The following FAM81A variants were observed in gnomAD, a reference collection of about 807,000 sequenced individuals.
FAM81A encodes the protein protein FAM81A.
FAM81A carries 19 observed loss-of-function variants against 46.7 expected under a neutral mutation model. The observed-to-expected ratio is 0.41, with a 90% CI of 0.28 to 0.60. The LOEUF (loss-of-function observed/expected upper bound fraction) is 0.60, where lower values mean the gene tolerates loss of function less well. FAM81A is among the 20% of genes least tolerant of loss of function. The pLI, the probability that FAM81A is intolerant of heterozygous loss-of-function variation, is 0.34. For synonymous variants in FAM81A, 183 were observed against 152.9 expected, an observed-to-expected ratio of 1.20 and a Z score of -1.45; for missense variants, 377 against 453.5, an observed-to-expected ratio of 0.83 and a Z score of 1.53.
chr15:59,506,944 G>A (rs775424466), intron 4 of FAM81A, among the ~76,000 whole-genome samples: 8 of 152,162 alleles, frequency 5.3e-5, no homozygotes, highest in East Asian at 1.9e-4. Flanking sequence ...TTGGCCTCTC[G>A]CTGCACATAC....
upstream of FAM81A, among the ~76,000 whole-genome samples, chr15:59,433,630 T>C (rs768764032): frequency 1.2e-4 from 18 of 152,186 alleles, no homozygotes; most frequent in Non-Finnish European, 2.5e-4. Context: ...ATGAAAAATC[T>C]ATAATTTCTA....
At chr15:59,455,229 T>C (rs2081469314) in intron 1 of FAM81A, among the ~76,000 whole-genome samples, 2 of 152,124 alleles carry the variant, frequency 1.3e-5, no homozygotes, top group Non-Finnish European at 2.9e-5. Context: ...TTTCCATTCT[T>C]TTCTTCTTGC....
Position 59,516,626 on chromosome 15 carries a change from T to C in FAM81A, c.787-19T>C, listed in dbSNP as rs1241604589. On this transcript the variant is annotated intron_variant, in intron 7 of 8. Transcript: ENST00000288228. ...TTCTTTTTGGAGTGATTAAGTGCAG[T>C]TCTTATCATGGATCTCAGGGAGCCA... The C allele has an allele frequency of 3.1e-6, 5 of 1,603,136 alleles. No individual in the cohort carries two copies. The highest frequency in any genetic ancestry group is 4.2e-6 in the Non-Finnish European group (5 of 1,177,370).
chr15:59,417,284 C>T (rs886086554), intron 2 of FAM81A, among the ~76,000 whole-genome samples: 2 of 152,096 alleles, frequency 1.3e-5, no homozygotes, highest in African/African-American at 4.8e-5. Context: ...TGCCGTACCA[C>T]CCTGTCGCCT....
intron 4 of FAM81A, among the ~76,000 whole-genome samples, chr15:59,492,731 T>C (rs1020110469): frequency 4.6e-5 from 7 of 152,238 alleles, no homozygotes; most frequent in Non-Finnish European, 1.0e-4. Flanking sequence ...ATTTAATTTT[T>C]CCTGTTATTC....
intron 1 of FAM81A, chr15:59,401,801 A>G (rs1157676403): frequency 1.4e-6 from 1 of 712,754 alleles, no homozygotes; most frequent in African/African-American, 1.9e-5. Flanking sequence ...TTCTCTTTTC[A>G]TGCATCTTGA....
At chr15:59,442,013 A>G (rs1352673830) in intron 1 of FAM81A, among the ~76,000 whole-genome samples, 1 of 152,210 alleles carries the variant, frequency 6.6e-6, no homozygotes, top group Non-Finnish European at 1.5e-5. Flanking sequence ...TACTCCCGTT[A>G]TGTAGGTGCA....
intron 4 of FAM81A, among the ~76,000 whole-genome samples, chr15:59,497,986 A>C (rs2082052116): frequency 6.6e-6 from 1 of 152,194 alleles, no homozygotes; most frequent in South Asian, 2.1e-4. Flanking sequence ...CTTCCTGAGT[A>C]GCTGGGACTA....
intron 8 of FAM81A, among the ~76,000 whole-genome samples, chr15:59,518,766 C>T (rs1399860288): frequency 6.6e-6 from 1 of 151,752 alleles, no homozygotes; most frequent in East Asian, 1.9e-4. Context: ...AACCCTTTTC[C>T]AGTCTAGTGT....
At chr15:59,415,016 C>T (rs1050589859) in intron 2 of FAM81A, among the ~76,000 whole-genome samples, 1 of 151,832 alleles carries the variant, frequency 6.6e-6, no homozygotes, top group Non-Finnish European at 1.5e-5. Context: ...TGGGTTTTCA[C>T]TGTATTAGCC....
intron 2 of FAM81A, among the ~76,000 whole-genome samples, chr15:59,418,857 A>G (rs1362717235): frequency 6.6e-6 from 1 of 152,212 alleles, no homozygotes; most frequent in East Asian, 1.9e-4. Context: ...GCTGTGAGGA[A>G]TTAGCAAGGG....
At chr15:59,449,991 T>C (rs1465691888) in intron 1 of FAM81A, among the ~76,000 whole-genome samples, 1 of 151,634 alleles carries the variant, frequency 6.6e-6, no homozygotes, top group East Asian at 1.9e-4. Context: ...ATGAGGTCAC[T>C]GCTCACTGCA....
chr15:59,436,349 A>G (rs368716990), upstream of FAM81A, among the ~76,000 whole-genome samples: 8 of 150,998 alleles, frequency 5.3e-5, no homozygotes, highest in Admixed American at 2.6e-4. Context: ...TCACTCTCCT[A>G]GGAAGCCAGG....
At chr15:59,440,290 A>C (rs2081283650) in intron 1 of FAM81A, among the ~76,000 whole-genome samples, 1 of 151,998 alleles carries the variant, frequency 6.6e-6, no homozygotes, top group African/African-American at 2.4e-5. Context: ...AGGGTGGGGG[A>C]GTAAGACCTA....
At chr15:59,480,317 G>A (rs2081833688) in intron 3 of FAM81A, among the ~76,000 whole-genome samples, 1 of 152,172 alleles carries the variant, frequency 6.6e-6, no homozygotes, top group Non-Finnish European at 1.5e-5. Flanking sequence ...AGTTGGAGAA[G>A]GAGGAACATG....
At chr15:59,464,146 T>C (rs2081585394) in intron 3 of FAM81A, among the ~76,000 whole-genome samples, 1 of 152,194 alleles carries the variant, frequency 6.6e-6, no homozygotes, top group Admixed American at 6.5e-5. Context: ...AAAGACAGAA[T>C]TTTGTTCTTT....
intron 2 of FAM81A, among the ~76,000 whole-genome samples, chr15:59,428,235 A>G (rs1370731711): frequency 6.6e-6 from 1 of 152,082 alleles, no homozygotes; most frequent in Non-Finnish European, 1.5e-5. Context: ...TCTTTTGTCC[A>G]TTTTAAATTG....
intron 8 of FAM81A, 95 bp downstream of exon 8, chr15:59,516,935 A>G (rs2082273974): frequency 8.5e-7 from 1 of 1,172,390 alleles, no homozygotes; most frequent in Non-Finnish European, 1.2e-6. Context: ...GAACCTGGCT[A>G]ATGGTAATAA....
chr15:59,520,909 C>G (rs1171882349), intron 8 of FAM81A, among the ~76,000 whole-genome samples: 2 of 152,090 alleles, frequency 1.3e-5, no homozygotes, highest in Non-Finnish European at 2.9e-5. Flanking sequence ...TTTTGGTATT[C>G]TTTAAAAATG....
Sources: allele counts gnomAD v4.1 joint callset (sites outside exome capture counted in the v4.1 genomes callset), GRCh38; gene constraint gnomAD v4.1.1; transcripts MANE v1.5; gene names NCBI Gene and HGNC (gene_info 2026-07-23, HGNC 2026-07-21).